Variants in SGCD observed in about 807,000 individuals in gnomAD.
The protein encoded by SGCD is delta-sarcoglycan.
Under a neutral mutation model 36.6 loss-of-function variants are expected in SGCD, and 18 were observed. The ratio of observed to expected loss-of-function variants is 0.49; its 90% CI spans 0.34 to 0.73. SGCD has a LOEUF of 0.73. SGCD is among the 30% of genes least tolerant of loss of function. SGCD has a pLI of 0.01. For synonymous variants in SGCD, 133 were observed against 130.6 expected (o/e 1.02, Z -0.12); for missense variants, 387 against 346.7 (o/e 1.12, Z -0.92).
intron 1 of SGCD, among the ~76,000 whole-genome samples, chr5:155,982,551 C>T (rs992363469): frequency 1.3e-5 from 2 of 152,158 alleles, no homozygotes; most frequent in African/African-American, 4.8e-5. Flanking sequence ...TCCCTCGCTG[C>T]CCTTCCTCAG....
chr5:156,397,218 CT>C lies in SGCD; in HGVS notation c.192+52550del, dbSNP rs891658538. Among the ~76,000 whole-genome samples, 6 of 151,776 alleles carry C rather than the reference CT, an allele frequency of 4.0e-5. No homozygotes were observed. The East Asian group carries it at 9.7e-4, about 24-fold the overall frequency. ...GGAGAGAATGAAGTTTGAAAGAAAA[CT>C]TTTTTTTTCTAGTTTATGTTCTTTA... On this transcript the variant is annotated intron_variant, in intron 3 of 8. Coordinates refer to ENST00000337851, the MANE Select transcript of SGCD (RefSeq NM_000337.6).
At chr5:156,433,011 GA>G (rs1455882566) in intron 3 of SGCD, among the ~76,000 whole-genome samples, 6 of 152,200 alleles carry the variant, frequency 3.9e-5, no homozygotes, top group Non-Finnish European at 8.8e-5. Context: ...TTCTGTTCAG[GA>G]GAGTTCATCC....
intron 1 of SGCD, among the ~76,000 whole-genome samples, chr5:156,035,328 GC>G (rs1759462779): frequency 6.6e-6 from 1 of 152,154 alleles, no homozygotes; most frequent in Middle Eastern, 3.2e-3. Flanking sequence ...GTGGAATAGG[GC>G]CAGTCATGGT....
intron 1 of SGCD, among the ~76,000 whole-genome samples, chr5:155,958,762 A>T (rs139744541): frequency 2.6e-5 from 4 of 152,218 alleles, no homozygotes; most frequent in Non-Finnish European, 5.9e-5. Flanking sequence ...GATAACAATA[A>T]TGCCTACCTC....
intron 6 of SGCD, among the ~76,000 whole-genome samples, chr5:156,606,603 T>C (rs1375003587): frequency 6.6e-6 from 1 of 152,250 alleles, no homozygotes; most frequent in Non-Finnish European, 1.5e-5. Context: ...GGTAGCATGA[T>C]GGGAATGGCA....
chr5:156,037,381 T>A lies in SGCD; in HGVS notation c.-281-80497T>A, dbSNP rs566472539. On this transcript the variant is annotated intron_variant, in intron 1 of 9. Transcript: ENST00000517913. ...AGCTGATAAAACAGTGCAGCTGCAGTCATTTTCTCCTCAATGTTTTCCCCA... is the reference window on the plus strand; with the variant it reads ...AGCTGATAAAACAGTGCAGCTGCAGACATTTTCTCCTCAATGTTTTCCCCA... Among the ~76,000 whole-genome samples, 15 of 152,248 alleles carry A rather than the reference T, an allele frequency of 9.9e-5. No individual in the cohort carries two copies. In the South Asian group the frequency reaches 2.9e-3, roughly 30 times the overall value.
At chr5:156,005,215 G>C (rs1758732600) in intron 1 of SGCD, among the ~76,000 whole-genome samples, 1 of 152,126 alleles carries the variant, frequency 6.6e-6, no homozygotes, top group African/African-American at 2.4e-5. Context: ...GAAGGATCCC[G>C]ATACTCTCTT....
the SGCD span, among the ~76,000 whole-genome samples, chr5:155,836,200 C>T: frequency 3.9e-5 from 6 of 152,074 alleles, no homozygotes. Context: ...ATAGCTGGAC[C>T]TCCATGGGGT....
chr5:155,926,597 C>G (rs1438874823), intron 1 of SGCD, among the ~76,000 whole-genome samples: 1 of 151,806 alleles, frequency 6.6e-6, no homozygotes, highest in African/African-American at 2.4e-5. Context: ...TAATCAAATC[C>G]AAGGAAAGAA....
intron 1 of SGCD, among the ~76,000 whole-genome samples, chr5:156,018,315 G>A (rs182837323): frequency 6.6e-6 from 1 of 152,182 alleles, no homozygotes; most frequent in East Asian, 1.9e-4. Flanking sequence ...ATATCCGCTA[G>A]TGTCTGTTAA....
At chr5:156,687,580 G>A (rs777220009) in intron 7 of SGCD, among the ~76,000 whole-genome samples, 5 of 152,116 alleles carry the variant, frequency 3.3e-5, no homozygotes, top group East Asian at 1.9e-4. Context: ...TATCAAAGCC[G>A]CACATTGAAG....
At chr5:156,404,434 C>T (rs371304033) in intron 3 of SGCD, among the ~76,000 whole-genome samples, 2 of 152,336 alleles carry the variant, frequency 1.3e-5, no homozygotes, top group Non-Finnish European at 2.9e-5. Flanking sequence ...TCTTGATTAA[C>T]ATTTTAATCG....
At chr5:155,986,869 A>C (rs947244514) in intron 1 of SGCD, among the ~76,000 whole-genome samples, 3 of 152,122 alleles carry the variant, frequency 2.0e-5, no homozygotes, top group Non-Finnish European at 4.4e-5. Flanking sequence ...ACCATTTAAA[A>C]CGCCCTGCAC....
intron 4 of SGCD, among the ~76,000 whole-genome samples, chr5:156,560,225 G>A (rs186007245): frequency 4.5e-4 from 69 of 152,250 alleles, no homozygotes; most frequent in African/African-American, 1.5e-3. Context: ...TCTCTTAATA[G>A]AAGCAAACAT....
chr5:155,975,183 C>T (rs1228892970), intron 1 of SGCD, among the ~76,000 whole-genome samples: 1 of 152,180 alleles, frequency 6.6e-6, no homozygotes, highest in Non-Finnish European at 1.5e-5. Flanking sequence ...ATATCAGTGT[C>T]ATCATCATCA....
intron 3 of SGCD, among the ~76,000 whole-genome samples, chr5:156,228,599 C>T (rs1764916257): frequency 6.6e-6 from 1 of 152,090 alleles, no homozygotes; most frequent in Admixed American, 6.6e-5. Context: ...TTCTGCAATT[C>T]TATATCTTTT....
chr5:156,500,288 C>T (rs895236335), intron 3 of SGCD, among the ~76,000 whole-genome samples: 17 of 152,236 alleles, frequency 1.1e-4, no homozygotes, highest in African/African-American at 1.7e-4. Context: ...ATTTTCTGAG[C>T]GCATAATAAT....
intron 5 of SGCD, among the ~76,000 whole-genome samples, chr5:156,591,429 A>C (rs1488666261): frequency 2.0e-5 from 3 of 152,222 alleles, no homozygotes; most frequent in Non-Finnish European, 4.4e-5. Flanking sequence ...CTGATTTAGT[A>C]TCTCAGTAGT....
intron 1 of SGCD, among the ~76,000 whole-genome samples, chr5:156,109,991 C>G (rs1357416554): frequency 6.6e-6 from 1 of 152,186 alleles, no homozygotes; most frequent in South Asian, 2.1e-4. Flanking sequence ...ACACAATATT[C>G]TGAGTTTCTA....
Sources: gnomAD v4.1 joint callset for allele counts (sites outside exome capture counted in the v4.1 genomes callset) on GRCh38, gnomAD v4.1.1 for gene constraint, MANE v1.5 for transcripts, NCBI Gene and HGNC (gene_info 2026-07-23, HGNC 2026-07-21) for gene names.